The following UIMC1 variants were observed in gnomAD, a reference collection of about 807,000 sequenced individuals.
The protein encoded by UIMC1 is ubiquitin interaction motif containing 1.
Under a neutral mutation model 84.9 loss-of-function variants are expected in UIMC1, and 42 were observed. That is an observed-to-expected ratio of 0.49 (90% CI 0.39 to 0.64). The LOEUF is 0.64. Among genes scored for constraint, UIMC1 ranks in the 30% least tolerant of loss-of-function variants. UIMC1 has a pLI of 0.00. For missense variants in UIMC1, 825 were observed against 847.6 expected (o/e 0.97, Z 0.33); for synonymous variants, 281 against 293.0 (o/e 0.96, Z 0.42).
At chr5:176,953,528 A>ACACACACACACACC (rs1157414494) in intron 8 of UIMC1, among the ~76,000 whole-genome samples, 3 of 151,754 alleles carry the variant, frequency 2.0e-5, no homozygotes, top group African/African-American at 7.3e-5. Flanking sequence ...ACACACACAC[A>ACACACACACACACC]CACCTTATTG....
At position 176,951,480 on chromosome 5, in the gene UIMC1, A is replaced by C. The variant is rs752284462; in HGVS notation, c.1437T>G (p.Asp479Glu). The C allele has an allele frequency of 4.6e-6, 7 of 1,536,606 alleles. No individual in the cohort carries two copies. Among genetic ancestry groups the C allele is most frequent in the Non-Finnish European group, 6.1e-6 (7 of 1,145,848 alleles). ...ILDGVRIIMA[D>E]KEVGNKEDAE... ...TATAGAGGAAAATATTCACCTCCTT[A>C]TCTGCCATTATTATTCTGACTCCAT... Residue 479 changes from aspartate (D) to glutamate (E), a missense_variant, in exon 9 of 15, where the codon GAT becomes GAG. Physicochemically the swap from Asp to Glu is conservative, Grantham distance 45. Transcript: ENST00000511320.
At chr5:176,957,919 T>C (rs1299836802) in intron 7 of UIMC1, among the ~76,000 whole-genome samples, 174 bp downstream of exon 7, 1 of 152,240 alleles carries the variant, frequency 6.6e-6, no homozygotes, top group Non-Finnish European at 1.5e-5. Context: ...TGGGCTTCTA[T>C]GAGATGCACA....
intron 1 of UIMC1, among the ~76,000 whole-genome samples, chr5:177,013,607 C>A (rs1775607079): frequency 6.6e-6 from 1 of 152,076 alleles, no homozygotes; most frequent in South Asian, 2.1e-4. Flanking sequence ...TTAAATACAC[C>A]AAGTGTTTAG....
chr5:176,935,854 A>G (rs1402936632), intron 10 of UIMC1, among the ~76,000 whole-genome samples: 2 of 152,058 alleles, frequency 1.3e-5, no homozygotes, highest in Admixed American at 6.6e-5. Context: ...AAGAATTCCT[A>G]CCTCCTCCTA....
chr5:176,981,547 C>G (rs1282989673), intron 2 of UIMC1, among the ~76,000 whole-genome samples: 1 of 152,018 alleles, frequency 6.6e-6, no homozygotes, highest in African/African-American at 2.4e-5. Flanking sequence ...ACATCTGTAA[C>G]CCCAGCACCT....
At chr5:177,008,866 G>T (rs1351870946), upstream of UIMC1, among the ~76,000 whole-genome samples, 3 of 152,082 alleles carry the variant, frequency 2.0e-5, no homozygotes, top group Admixed American at 2.0e-4. Flanking sequence ...GCTCACTCAG[G>T]CCAAATGCTA....
rs1453586045 is a variant in UIMC1, at chr5:176,968,593, G to A, written c.1162C>T (p.Leu388Phe). 1 of 1,612,708 alleles carries A rather than the reference G, an allele frequency of 6.2e-7. No homozygotes were observed. Among genetic ancestry groups the A allele is most frequent in the South Asian group, 1.1e-5 (1 of 90,900 alleles). The change falls in exon 6 of 15, where the codon CTT becomes TTT. Residue 388 changes from leucine to phenylalanine, a missense_variant. Leu to Phe is a conservative substitution (Grantham distance 22, BLOSUM62 0). Coordinates refer to ENST00000511320, the MANE Select transcript of UIMC1 (RefSeq NM_001199298.2). ...ESSIKSLKEK[L>F]LLEEEPTTSH... ...GTTGTTGGTTCTTCCTCCAACAAAA[G>A]TTTCTCTTTCAAGCTTTTAATTGAG...
intron 10 of UIMC1, among the ~76,000 whole-genome samples, chr5:176,914,336 G>C (rs1373653930): frequency 6.6e-6 from 1 of 152,046 alleles, no homozygotes; most frequent in Non-Finnish European, 1.5e-5. Context: ...CTTTATCCAA[G>C]TCACTAGGGA....
intron 3 of UIMC1, among the ~76,000 whole-genome samples, chr5:176,974,148 G>C (rs1032448638): frequency 1.3e-5 from 2 of 152,108 alleles, no homozygotes; most frequent in Non-Finnish European, 2.9e-5. Context: ...TTAAAATAAA[G>C]TTGGAAGAAT....
rs116399420 is a variant in UIMC1, at chr5:176,933,121, G to C, written c.1597+10214C>G. On this transcript the variant is annotated intron_variant, in intron 10 of 14. Coordinates refer to ENST00000511320, the MANE Select transcript of UIMC1 (RefSeq NM_001199298.2). ...CAGGCTGCATAAATCTGGAAATTTT[G>C]TGAGAACTGACGGGTGAGTGAAACA... is the stretch of plus-strand genomic sequence containing the variant. Among the ~76,000 whole-genome samples the C allele has an allele frequency of 9.3e-3, 1,420 of 152,264 alleles. 28 individuals are homozygous for C. Among genetic ancestry groups the C allele is most frequent in the African/African-American group, 0.033 (1,359 of 41,542 alleles).
Position 176,968,128 on chromosome 5 carries a change from C to A in UIMC1, c.1200+427G>T, listed in dbSNP as rs868308476. Among the ~76,000 whole-genome samples the A allele has an allele frequency of 7.9e-5, 12 of 152,198 alleles. No homozygotes were observed. The South Asian group carries it at 1.2e-3, about 16-fold the overall frequency. On this transcript the variant is annotated intron_variant, in intron 6 of 14. Transcript: ENST00000511320. Reference sequence around the variant, plus strand: ...GTGGCTCACGCCTGTAATCCCAACACTTTGGGAGGCCAAGGCATGCAGATC... The same window carrying A: ...GTGGCTCACGCCTGTAATCCCAACAATTTGGGAGGCCAAGGCATGCAGATC...
Position 176,950,991 on chromosome 5 carries a change from A to T in UIMC1, c.1443+483T>A, listed in dbSNP as rs145333839. On this transcript the variant is annotated intron_variant, in intron 9 of 14. Transcript: ENST00000511320. Reference sequence around the variant, plus strand: ...GTAAAGTGAGGAAAGGTAATGATGCAAATAGATTTATTTTATCAGACAGCT... The same window carrying T: ...GTAAAGTGAGGAAAGGTAATGATGCTAATAGATTTATTTTATCAGACAGCT... Among the ~76,000 whole-genome samples the T allele has an allele frequency of 9.1e-3, 1,386 of 152,208 alleles. 8 individuals carry two copies. Among genetic ancestry groups the T allele is most frequent in the South Asian group, 0.025 (119 of 4,816 alleles).
chr5:176,991,671 A>C (rs1241641152), intron 1 of UIMC1, among the ~76,000 whole-genome samples: 4 of 148,988 alleles, frequency 2.7e-5, no homozygotes, highest in Non-Finnish European at 5.9e-5. Flanking sequence ...GGTGGCTCAC[A>C]CCTGTAATCT....
intron 1 of UIMC1, among the ~76,000 whole-genome samples, chr5:176,996,795 A>T (rs1773675336): frequency 6.6e-6 from 1 of 152,156 alleles, no homozygotes; most frequent in Admixed American, 6.5e-5. Flanking sequence ...GAGTATCGTT[A>T]CTCCAATCTT....
chr5:177,020,251 C>T (rs1775759383), intron 1 of UIMC1, among the ~76,000 whole-genome samples: 1 of 152,030 alleles, frequency 6.6e-6, no homozygotes, highest in East Asian at 1.9e-4. Context: ...ACCTGCTGTT[C>T]TCTCTGCTAG....
chr5:176,930,492 G>C lies in UIMC1; in HGVS notation c.1597+12843C>G, dbSNP rs145804344. On this transcript the variant is annotated intron_variant, in intron 10 of 14. Coordinates refer to ENST00000511320, the MANE Select transcript of UIMC1 (RefSeq NM_001199298.2). ...AAGTTCAGCTTCCTCTTTTATAAGT[G>C]AAATAACACCTGTTTCAAAAGACTG... 3.3e-4 allele frequency among the ~76,000 whole-genome samples: 50 copies of C among 152,258 alleles called. 1 individual carries two copies. The East Asian group carries it at 9.1e-3, about 28-fold the overall frequency.
rs896889542 is a variant in UIMC1, at chr5:176,942,780, T to C, written c.1597+555A>G. 3.0e-5 allele frequency among the ~76,000 whole-genome samples: 4 copies of C among 131,734 alleles called. No individual in the cohort carries two copies. The Admixed American group carries it at 3.2e-4, about 10-fold the overall frequency. 86.4% of individuals were successfully genotyped at this position (131,734 alleles called of 152,430 possible). ...AAAAAAAAAAAAAGGTTGGGCCAGG[T>C]GCAGTGGGTCACACCTGTAATCTCA... On this transcript the variant is annotated intron_variant, in intron 10 of 14. Transcript: ENST00000511320.
intron 10 of UIMC1, among the ~76,000 whole-genome samples, chr5:176,917,948 A>T (rs1021532866): frequency 3.3e-5 from 5 of 152,222 alleles, no homozygotes; most frequent in Admixed American, 2.6e-4. Context: ...AACAACAGCA[A>T]AACTCTGTCT....
intron 1 of UIMC1, among the ~76,000 whole-genome samples, chr5:177,003,718 T>C (rs563765761): frequency 1.1e-4 from 16 of 152,236 alleles, no homozygotes; most frequent in African/African-American, 3.9e-4. Flanking sequence ...GAGTATAGCA[T>C]GAGTAGTACT....
Sources: allele counts gnomAD v4.1 joint callset (sites outside exome capture counted in the v4.1 genomes callset), GRCh38; gene constraint gnomAD v4.1.1; transcripts MANE v1.5; gene names NCBI Gene and HGNC (gene_info 2026-07-23, HGNC 2026-07-21).